TENM2: variants seen among roughly 807,000 people sequenced by gnomAD.
TENM2 encodes teneurin transmembrane protein 2, also known as teneurin-2.
In TENM2, 52 loss-of-function variants were observed where a neutral mutation model predicts 245.2. The observed-to-expected ratio is 0.21, with a 90% CI of 0.17 to 0.27. The LOEUF is 0.27. TENM2 is among the 10% of genes least tolerant of loss of function. The pLI is 1.00. For synonymous variants in TENM2, 1,363 were observed against 1,438.9 expected (o/e 0.95, Z 1.19); for missense variants, 3,046 against 3,666.8 (o/e 0.83, Z 4.37).
rs191022408 is a variant in TENM2 at position 167,609,912 on chromosome 5, A to G, written c.502+234439A>G. Among the ~76,000 whole-genome samples the G allele has an allele frequency of 7.9e-3, 1,202 of 152,134 alleles. 18 individuals carry two copies. Among genetic ancestry groups the G allele is most frequent in the African/African-American group, 0.027 (1,135 of 41,500 alleles). ...ATAATTCAATTCCAATGCTATCTAC[A>G]TGGAGATAGTGTTAGATCCCACAGG... is the stretch of plus-strand genomic sequence containing the variant. On this transcript the variant is annotated intron_variant, in intron 2 of 28. Transcript: ENST00000518659.
chr5:167,634,135 G>C (rs538094693), intron 2 of TENM2, among the ~76,000 whole-genome samples: 122 of 152,276 alleles, frequency 8.0e-4, no homozygotes, highest in Non-Finnish European at 1.2e-3. Context: ...CTCAACAAGT[G>C]ATGCTCATGA....
intron 7 of TENM2, among the ~76,000 whole-genome samples, chr5:168,079,641 G>A (rs1457918807): frequency 1.3e-5 from 2 of 152,002 alleles, no homozygotes; most frequent in Admixed American, 6.6e-5. Flanking sequence ...TAGCATGAAG[G>A]GCTGTTGAAT....
chr5:167,679,634 C>A (rs572131396), intron 2 of TENM2, among the ~76,000 whole-genome samples: 21 of 152,166 alleles, frequency 1.4e-4, no homozygotes, highest in Admixed American at 1.2e-3. Context: ...ATAGGAAAAC[C>A]TTTGAAACTA....
At chr5:167,803,118 T>C (rs184818296) in intron 2 of TENM2, among the ~76,000 whole-genome samples, 9 of 152,212 alleles carry the variant, frequency 5.9e-5, no homozygotes, top group Admixed American at 3.9e-4. Flanking sequence ...GCCAATCACT[T>C]CTCTGAGTTT....
At chr5:167,532,826 G>GTGTGTATATATA (rs1554170577) in intron 2 of TENM2, among the ~76,000 whole-genome samples, 5 of 144,516 alleles carry the variant, frequency 3.5e-5, no homozygotes, top group East Asian at 4.1e-4. Context: ...GTGTGTGTGT[G>GTGTGTATATATA]TATATATATA....
chr5:167,408,971 CAT>C (rs1441599218), intron 2 of TENM2, among the ~76,000 whole-genome samples: 18 of 150,916 alleles, frequency 1.2e-4, no homozygotes, highest in African/African-American at 4.1e-4. Flanking sequence ...CACACACACA[CAT>C]ACAATTTTTG....
chr5:168,087,266 C>G (rs1249272417), intron 7 of TENM2: 1 of 152,230 alleles, frequency 6.6e-6, no homozygotes, highest in Non-Finnish European at 1.5e-5. Flanking sequence ...ATTTGACCAA[C>G]AGAAGATGCT....
chr5:167,383,912 T>C (rs576125684), intron 2 of TENM2, among the ~76,000 whole-genome samples: 1 of 152,228 alleles, frequency 6.6e-6, no homozygotes, highest in South Asian at 2.1e-4. Flanking sequence ...AATGTATACA[T>C]TGGAGATGTG....
At chr5:167,479,740 T>C (rs1166794065) in intron 2 of TENM2, among the ~76,000 whole-genome samples, 1 of 152,202 alleles carries the variant, frequency 6.6e-6, no homozygotes, top group East Asian at 1.9e-4. Context: ...CTTACTAGAC[T>C]GTAAACTTGA....
At chr5:167,926,776 T>C (rs1169848805) in intron 3 of TENM2, among the ~76,000 whole-genome samples, 2 of 150,304 alleles carry the variant, frequency 1.3e-5, no homozygotes, top group Non-Finnish European at 3.0e-5. Context: ...GACCTTAGTG[T>C]CTTAGCGATG....
chr5:168,215,241 G>A, exon 21 of TENM2: 1 of 1,613,932 alleles, frequency 6.2e-7, no homozygotes, highest in Non-Finnish European at 8.5e-7. Flanking sequence ...ATGGAGGGAA[G>A]GCCATAGATG....
chr5:168,093,647 C>G (rs192265832), intron 8 of TENM2, among the ~76,000 whole-genome samples: 1 of 152,144 alleles, frequency 6.6e-6, no homozygotes, highest in African/African-American at 2.4e-5. Flanking sequence ...AGTTTCTTCT[C>G]GAGACAACAG....
chr5:168,023,967 A>G (rs1786388375), intron 5 of TENM2, among the ~76,000 whole-genome samples: 1 of 152,204 alleles, frequency 6.6e-6, no homozygotes, highest in Non-Finnish European at 1.5e-5. Flanking sequence ...CGTATATATA[A>G]GATGTATACA....
In TENM2 at chr5:168,253,029, T is replaced by C. The variant is rs1242551666; in HGVS notation, c.7432+4658T>C. Among the ~76,000 whole-genome samples the C allele has an allele frequency of 3.3e-5, 5 of 150,300 alleles. No homozygotes were observed. The East Asian group carries it at 8.2e-4, about 25-fold the overall frequency. On this transcript the variant is annotated intron_variant, in intron 27 of 28. Coordinates refer to ENST00000518659, the Ensembl canonical transcript of TENM2. ...TCGCCCAGGCTGGAGTGCAGTGGCA[T>C]GATCTTGGCTCACTGCAACCTCTGC... is the stretch of plus-strand genomic sequence containing the variant.
At chr5:167,686,388 G>A (rs550992060) in intron 2 of TENM2, among the ~76,000 whole-genome samples, 1 of 152,298 alleles carries the variant, frequency 6.6e-6, no homozygotes, top group Admixed American at 6.5e-5. Context: ...GAGCTGTAGA[G>A]CATTTTTTAA....
At chr5:167,687,772 C>T (rs1188695896) in intron 2 of TENM2, among the ~76,000 whole-genome samples, 1 of 152,148 alleles carries the variant, frequency 6.6e-6, no homozygotes, top group Non-Finnish European at 1.5e-5. Flanking sequence ...CTGTCTCTCT[C>T]CTTTCCCTTT....
chr5:167,424,624 A>C (rs1763701988), intron 2 of TENM2, among the ~76,000 whole-genome samples: 1 of 152,188 alleles, frequency 6.6e-6, no homozygotes, highest in Admixed American at 6.5e-5. Context: ...ACCTCTCAAT[A>C]CAATTAAAGT....
the TENM2 span, among the ~76,000 whole-genome samples, chr5:167,139,002 A>G: frequency 1.3e-5 from 2 of 152,136 alleles, no homozygotes; most frequent in Non-Finnish European, 1.5e-5. Context: ...AATATTTGAC[A>G]TTGTTAATTT....
chr5:167,022,021 C>G, the TENM2 span, among the ~76,000 whole-genome samples: 1 of 152,126 alleles, frequency 6.6e-6, no homozygotes, highest in African/African-American at 2.4e-5. Context: ...ATTCAATTGT[C>G]CAAATTATTT....
Sources: gnomAD v4.1 joint callset for allele counts (sites outside exome capture counted in the v4.1 genomes callset) on GRCh38, gnomAD v4.1.1 for gene constraint, MANE v1.5 for transcripts, NCBI Gene and HGNC (gene_info 2026-07-23, HGNC 2026-07-21) for gene names.